The following DLGAP2 variants were observed in gnomAD, a reference collection of about 807,000 sequenced individuals.
DLGAP2 encodes DLG associated protein 2, also known as disks large-associated protein 2.
In DLGAP2, 26 loss-of-function variants were observed where a neutral mutation model predicts 100.3. The ratio of observed to expected loss-of-function variants is 0.26; its 90% CI spans 0.19 to 0.36. The LOEUF (loss-of-function observed/expected upper bound fraction) is 0.36, where lower values mean the gene tolerates loss of function less well. Among genes scored for constraint, DLGAP2 ranks in the 10% least tolerant of loss-of-function variants. The probability of loss-of-function intolerance (pLI) is 1.00; values close to 1 mark genes in which losing one functional copy is unlikely to be tolerated. For missense variants in DLGAP2, 1,858 were observed against 1,453.2 expected, an observed-to-expected ratio of 1.28 and a Z score of -4.53; for synonymous variants, 886 against 630.1, an observed-to-expected ratio of 1.41 and a Z score of -6.08.
At chr8:1,493,025 C>T (rs142076734) in intron 3 of DLGAP2, among the ~76,000 whole-genome samples, 3 of 152,276 alleles carry the variant, frequency 2.0e-5, no homozygotes, top group East Asian at 3.9e-4. Context: ...AGAGAAAATG[C>T]CAGGATCTCA....
intron 3 of DLGAP2, among the ~76,000 whole-genome samples, chr8:1,454,295 C>A (rs1356905311): frequency 6.6e-5 from 10 of 152,120 alleles, no homozygotes; most frequent in African/African-American, 2.4e-4. Context: ...GCTTTCCCAG[C>A]TGCTGAACAG....
intron 2 of DLGAP2, among the ~76,000 whole-genome samples, chr8:1,220,439 C>G (rs965023063): frequency 6.6e-6 from 1 of 151,768 alleles, no homozygotes. Flanking sequence ...GTGTTGATCT[C>G]TGTTTTTATT....
intron 3 of DLGAP2, among the ~76,000 whole-genome samples, chr8:1,414,041 T>C (rs1031345444): frequency 6.6e-6 from 1 of 152,226 alleles, no homozygotes; most frequent in Non-Finnish European, 1.5e-5. Flanking sequence ...CTTAGTGACA[T>C]GCCTAGGAAT....
At chr8:1,414,969 C>A (rs772008654) in intron 3 of DLGAP2, among the ~76,000 whole-genome samples, 4 of 151,940 alleles carry the variant, frequency 2.6e-5, no homozygotes. Context: ...AGGTCATGCC[C>A]CTGCACTCGA....
At chr8:1,150,167 A>G (rs1041075728) in intron 2 of DLGAP2, among the ~76,000 whole-genome samples, 3 of 152,172 alleles carry the variant, frequency 2.0e-5, no homozygotes, top group African/African-American at 7.2e-5. Flanking sequence ...AATCTCTTCG[A>G]AGAAAATTCT....
intron 3 of DLGAP2, among the ~76,000 whole-genome samples, chr8:1,335,932 C>T (rs1801262891): frequency 1.3e-5 from 2 of 151,780 alleles, no homozygotes; most frequent in African/African-American, 4.9e-5. Context: ...CGGGGCTGCG[C>T]GTGGTGACGC....
intron 14 of DLGAP2, among the ~76,000 whole-genome samples, chr8:1,700,829 A>G (rs1799544235): frequency 6.6e-6 from 1 of 152,220 alleles, no homozygotes; most frequent in African/African-American, 2.4e-5. Flanking sequence ...CGATGCTCGG[A>G]GATGACACAG....
At chr8:1,029,382 G>T (rs1265405332) in intron 2 of DLGAP2, among the ~76,000 whole-genome samples, 2 of 152,222 alleles carry the variant, frequency 1.3e-5, no homozygotes, top group Non-Finnish European at 2.9e-5. Flanking sequence ...AGTGGGCAAA[G>T]AGTGGCCGAG....
rs1400249603 is a variant in DLGAP2, at chr8:1,565,859, G to T, written c.1407G>T (p.Lys469Asn). ...CAATCCTACCAGAGCCGCTGCTGAAGTCCATCGGACAGAGACCGCTTGGAG... is the reference window on the plus strand; with the variant it reads ...CAATCCTACCAGAGCCGCTGCTGAATTCCATCGGACAGAGACCGCTTGGAG... Reference protein sequence around the residue: ...KSAILPEPLLKSIGQRPLGEH... With the variant: ...KSAILPEPLLNSIGQRPLGEH... Residue 469 changes from lysine (K) to asparagine (N), a missense_variant, in exon 6 of 15, where the codon AAG (lysine) becomes AAT (asparagine). Transcript: ENST00000637795. 1 of 1,611,892 alleles carries T rather than the reference G, an allele frequency of 6.2e-7. No individual in the cohort carries two copies. Among genetic ancestry groups the T allele is most frequent in the Non-Finnish European group, 8.5e-7 (1 of 1,178,928 alleles).
intron 3 of DLGAP2, among the ~76,000 whole-genome samples, chr8:1,417,000 A>G (rs4347019): frequency 0.96 from 145,069 of 151,832 alleles, 69,361 homozygotes; most frequent in East Asian, 1. Context: ...TCCAGGGCTC[A>G]GGGGTCCCCG....
chr8:1,033,796 G>A (rs1381163868), intron 2 of DLGAP2, among the ~76,000 whole-genome samples: 7 of 146,590 alleles, frequency 4.8e-5, no homozygotes, highest in Middle Eastern at 3.8e-3. Context: ...CGCTCATCCC[G>A]ACCCCGCGTG....
chr8:804,112 T>C (rs540766917), intron 1 of DLGAP2, among the ~76,000 whole-genome samples: 14 of 152,290 alleles, frequency 9.2e-5, no homozygotes, highest in East Asian at 3.9e-4. Flanking sequence ...GGATATCCCA[T>C]GCATGGCCCT....
intron 2 of DLGAP2, among the ~76,000 whole-genome samples, chr8:1,234,368 C>G (rs1345908266): frequency 1.3e-5 from 2 of 152,152 alleles, no homozygotes; most frequent in African/African-American, 4.8e-5. Context: ...TCTCCTAATT[C>G]CTGGCCATTC....
intron 2 of DLGAP2, among the ~76,000 whole-genome samples, chr8:1,167,962 T>C (rs1194484864): frequency 1.3e-5 from 2 of 151,640 alleles, no homozygotes; most frequent in Non-Finnish European, 2.9e-5. Context: ...ACATGTGCCA[T>C]GCTGGTGTGC....
intron 8 of DLGAP2, among the ~76,000 whole-genome samples, chr8:1,654,612 G>C (rs140514560): frequency 7.0e-6 from 1 of 143,644 alleles, no homozygotes; most frequent in South Asian, 2.2e-4. Context: ...AGTGAGCTGC[G>C]ATCACGCCAT....
chr8:830,303 C>A (rs879763360), intron 1 of DLGAP2, among the ~76,000 whole-genome samples: 2 of 152,178 alleles, frequency 1.3e-5, no homozygotes, highest in Non-Finnish European at 2.9e-5. Context: ...TTGTTACAAA[C>A]AATCCAATTA....
At chr8:1,664,910 A>T (rs376074866) in intron 8 of DLGAP2, among the ~76,000 whole-genome samples, 97 of 152,346 alleles carry the variant, frequency 6.4e-4, no homozygotes, top group African/African-American at 2.2e-3. Flanking sequence ...TTTGTCATCC[A>T]GGAAAAATCA....
chr8:1,492,961 A>T (rs1426994220), intron 3 of DLGAP2, among the ~76,000 whole-genome samples: 1 of 152,188 alleles, frequency 6.6e-6, no homozygotes, highest in East Asian at 1.9e-4. Context: ...ACCTACGCAT[A>T]GGGAACAGGT....
chr8:1,576,698 C>T (rs912944748), intron 6 of DLGAP2, among the ~76,000 whole-genome samples: 1 of 152,070 alleles, frequency 6.6e-6, no homozygotes, highest in African/African-American at 2.4e-5. Context: ...GCCAGTTTTC[C>T]CAGCACCATT....
Sources: gnomAD v4.1 joint callset for allele counts (sites outside exome capture counted in the v4.1 genomes callset) on GRCh38, gnomAD v4.1.1 for gene constraint, MANE v1.5 for transcripts, NCBI Gene and HGNC (gene_info 2026-07-23, HGNC 2026-07-21) for gene names.